The following RFX2 variants were observed in gnomAD, a reference collection of about 807,000 sequenced individuals.
RFX2 encodes regulatory factor X2.
Under a neutral mutation model 87.8 loss-of-function variants are expected in RFX2, and 20 were observed. The ratio of observed to expected loss-of-function variants is 0.23; its 90% CI spans 0.16 to 0.33. The LOEUF (loss-of-function observed/expected upper bound fraction) is 0.33, where lower values mean the gene tolerates loss of function less well. Ranked by LOEUF, RFX2 falls within the 10% of genes least tolerant of loss-of-function variation. The pLI is 1.00. For missense variants in RFX2, 767 were observed against 1,012.3 expected (o/e 0.76, Z 3.29); for synonymous variants, 397 against 431.3 (o/e 0.92, Z 0.98).
rs1385472168 is a variant in RFX2, at chr19:6,056,934, C to T, written c.-8-9430G>A. Among the ~76,000 whole-genome samples the T allele has an allele frequency of 2.0e-5, 3 of 152,200 alleles. No homozygotes were observed. Among genetic ancestry groups the T allele is most frequent in the African/African-American group, 7.2e-5 (3 of 41,458 alleles). On this transcript the variant is annotated intron_variant, in intron 1 of 17. Coordinates refer to ENST00000303657, the MANE Select transcript of RFX2 (RefSeq NM_000635.4). The surrounding 1 kb of genome is among the most constrained non-coding windows in gnomAD (Gnocchi z 4.6). ...GGCCCTGCCTGGCCAACGGGCTTGG[C>T]TGGCCCAAAGCTCCCTCCCTCGTGC...
rs1004542434 is a variant in RFX2 at position 6,064,967 on chromosome 19, C to A, written c.-8-17463G>T. ...TTCATCAAACAGATGAAGAAACTTA[C>A]CTAAAGATGTTAAGTGGTTTGCCCA... On this transcript the variant is annotated intron_variant, in intron 1 of 17. Transcript: ENST00000303657. The surrounding 1 kb of genome is among the most constrained non-coding windows in gnomAD (Gnocchi z 4.8). Among the ~76,000 whole-genome samples the A allele has an allele frequency of 1.3e-5, 2 of 151,998 alleles. No homozygotes were observed. The highest frequency in any genetic ancestry group is 4.8e-5 in the African/African-American group (2 of 41,372).
At position 6,044,997 on chromosome 19, in the gene RFX2, C is replaced by T. The variant is rs1322718503; in HGVS notation, c.91-715G>A. 2.0e-5 allele frequency among the ~76,000 whole-genome samples: 3 copies of T among 152,114 alleles called. No homozygotes were observed. Among genetic ancestry groups the T allele is most frequent in the Non-Finnish European group, 4.4e-5 (3 of 68,018 alleles). ...AAAATGGGAAGGGTCAAAGTGAACT[C>T]GAGTCGAGGGAGGAACAGGAGTGTT... On this transcript the variant is annotated intron_variant, in intron 2 of 17. Transcript: ENST00000303657. This position sits in a 1 kb window ranked among gnomAD's most constrained non-coding sequence, Gnocchi z 5.3.
intron 1 of RFX2, chr19:6,067,884 C>T (rs1481810753): frequency 6.6e-6 from 1 of 152,152 alleles, no homozygotes; most frequent in Non-Finnish European, 1.5e-5. Context: ...CGGAGGTTTG[C>T]CCTTTGAGAC....
chr19:6,015,698 G>C (rs2086717279), intron 7 of RFX2, among the ~76,000 whole-genome samples: 1 of 152,038 alleles, frequency 6.6e-6, no homozygotes, highest in Non-Finnish European at 1.5e-5. Flanking sequence ...ATGAGGTCTT[G>C]CTATGTTGCC....
At chr19:6,070,947 G>A (rs894309319) in intron 1 of RFX2, among the ~76,000 whole-genome samples, 9 of 152,148 alleles carry the variant, frequency 5.9e-5, no homozygotes, top group African/African-American at 2.2e-4. Context: ...TGAACTCTTG[G>A]CCTCAAGCAG....
At position 6,069,326 on chromosome 19, in the gene RFX2, C is replaced by T. The variant is rs77448482; in HGVS notation, c.-8-21822G>A. 4.6e-3 allele frequency among the ~76,000 whole-genome samples: 695 copies of T among 152,072 alleles called. 8 individuals carry two copies. The East Asian group carries it at 0.071, about 16-fold the overall frequency. On this transcript the variant is annotated intron_variant, in intron 1 of 17. Transcript: ENST00000303657. ...GTGTAGGGGACATGACCTAGAGCCA[C>T]CAGTGTCTAGAGGATGTGGGCTGAA...
At chr19:6,097,965 T>C (rs2088053943) in intron 1 of RFX2, among the ~76,000 whole-genome samples, 1 of 152,212 alleles carries the variant, frequency 6.6e-6, no homozygotes, top group African/African-American at 2.4e-5. Flanking sequence ...GGGCTGCTTT[T>C]TTTGCCCATT....
chr19:6,054,143 CA>C (rs2087300482), intron 1 of RFX2, among the ~76,000 whole-genome samples: 1 of 151,818 alleles, frequency 6.6e-6, no homozygotes, highest in Non-Finnish European at 1.5e-5. Context: ...CCCATAAATT[CA>C]ATAACATATA....
chr19:6,065,777 T>TA (rs947695409), intron 1 of RFX2, among the ~76,000 whole-genome samples: 8 of 151,792 alleles, frequency 5.3e-5, no homozygotes, highest in African/African-American at 7.3e-5. Flanking sequence ...GAATCGTCCT[T>TA]AAAAAAAATC....
chr19:6,102,186 TTCAGA>T (rs1478840016), intron 1 of RFX2, among the ~76,000 whole-genome samples: 2 of 152,148 alleles, frequency 1.3e-5, no homozygotes, highest in Non-Finnish European at 2.9e-5. Context: ...CAAGATGCAG[TTCAGA>T]TCCACATCCT....
intron 1 of RFX2, among the ~76,000 whole-genome samples, chr19:6,057,898 T>C (rs10419436): frequency 0.067 from 10,217 of 152,016 alleles, 801 homozygotes; most frequent in African/African-American, 0.19. Flanking sequence ...GTCCTCGGAG[T>C]AAGTGATGCG....
At chr19:6,033,648 C>T (rs1275127085) in intron 5 of RFX2, among the ~76,000 whole-genome samples, 1 of 127,122 alleles carries the variant, frequency 7.9e-6, no homozygotes, top group East Asian at 2.1e-4. Context: ...CCTATAAAAC[C>T]AGCTTTGAAA....
chr19:6,073,383 TG>T, intron 1 of RFX2: 2 of 1,234,746 alleles, frequency 1.6e-6, no homozygotes, highest in Non-Finnish European at 2.3e-6. Context: ...GTCAAGGAGC[TG>T]GAAGTGCTGA....
Position 6,004,156 on chromosome 19 carries a change from C to T in RFX2, c.1500+45G>A, listed in dbSNP as rs1373797851. 8.4e-6 allele frequency: 12 copies of T among 1,430,522 alleles called. No individual in the cohort carries two copies. Among genetic ancestry groups the T allele is most frequent in the Non-Finnish European group, 1.1e-5 (11 of 1,013,024 alleles). The allele number at this position is 1,430,522 out of a possible 1,614,324, so 88.6% of individuals were successfully genotyped here. On this transcript the variant is annotated intron_variant, in intron 13 of 17. Transcript: ENST00000303657. This position sits in a 1 kb window ranked among gnomAD's most constrained non-coding sequence, Gnocchi z 4.8. ...CCTCATGCTGTCCTGGACTGGAGCC[C>T]CTCCCAGCCATCGTTGGGGAGCCCA...
intron 1 of RFX2, among the ~76,000 whole-genome samples, chr19:6,054,006 CT>C: frequency 7.3e-6 from 1 of 136,378 alleles, no homozygotes; most frequent in Non-Finnish European, 1.6e-5. Flanking sequence ...TAATTAACAA[CT>C]TCTCCTGGAA....
rs978792010 is a variant in RFX2, at chr19:6,095,693, C to T, written c.-9+14700G>A. Among the ~76,000 whole-genome samples the T allele has an allele frequency of 2.6e-4, 40 of 152,020 alleles. 1 individual carries two copies. Among genetic ancestry groups the T allele is most frequent in the Non-Finnish European group, 5.1e-4 (35 of 67,996 alleles). On this transcript the variant is annotated intron_variant, in intron 1 of 17. Coordinates refer to ENST00000303657, the MANE Select transcript of RFX2 (RefSeq NM_000635.4). ...GAATAAAGGGGGAAATAGGATGGAC[C>T]ACTTGGAGAAAGTCTACGAATGCGA...
At position 6,013,046 on chromosome 19, in the gene RFX2, C is replaced by T. The variant is rs762884348; in HGVS notation, c.839G>A (p.Arg280Gln). 3.4e-5 allele frequency: 54 copies of T among 1,601,736 alleles called. 1 individual carries two copies. The South Asian group carries it at 3.5e-4, about 10-fold the overall frequency. ...IRLKPDSPLN[R>Q]LQEDTQYMAM... ...CATGTACTGCGTGTCCTCCTGCAGC[C>T]GGTTCAGTGGTGAGTCCGGCTTCAG... Residue 280 changes from arginine (R) to glutamine (Q), a missense_variant, in exon 8 of 18, where the codon CGG becomes CAG. Arg to Gln is a conservative substitution (Grantham distance 43). Coordinates refer to ENST00000303657, the MANE Select transcript of RFX2 (RefSeq NM_000635.4). The surrounding 1 kb of genome is among the most constrained non-coding windows in gnomAD (Gnocchi z 4.1).
At position 6,017,035 on chromosome 19, in the gene RFX2, G is replaced by C. The variant is rs1354630073; in HGVS notation, c.598-764C>G. ...ACATGTACTGAGATCCCTTATTGAG[G>C]GAGGTACAAATGGAAATTCAGTAAA... On this transcript the variant is annotated intron_variant, in intron 6 of 17. Transcript: ENST00000303657. This position sits in a 1 kb window ranked among gnomAD's most constrained non-coding sequence, Gnocchi z 4.1. 1.3e-5 allele frequency among the ~76,000 whole-genome samples: 2 copies of C among 152,144 alleles called. No individual in the cohort carries two copies. The highest frequency in any genetic ancestry group is 2.9e-5 in the Non-Finnish European group (2 of 68,040).
chr19:6,108,367 T>C (rs1170924796), intron 1 of RFX2, among the ~76,000 whole-genome samples: 1 of 152,228 alleles, frequency 6.6e-6, no homozygotes, highest in Admixed American at 6.5e-5. Flanking sequence ...CCCCTCCTCC[T>C]TATCCAGAAG....
Sources: allele counts gnomAD v4.1 joint callset (sites outside exome capture counted in the v4.1 genomes callset), GRCh38; gene constraint gnomAD v4.1.1; non-coding constraint Gnocchi (gnomAD v3.1); transcripts MANE v1.5; gene names NCBI Gene and HGNC (gene_info 2026-07-23, HGNC 2026-07-21).